DEPDC1B: variants seen among roughly 807,000 people sequenced by gnomAD.
DEPDC1B encodes the protein DEP domain-containing protein 1B.
A neutral mutation model predicts 66.5 loss-of-function variants in DEPDC1B; 51 were observed. The ratio of observed to expected loss-of-function variants is 0.77; its 90% CI spans 0.61 to 0.97. DEPDC1B has a LOEUF of 0.97. DEPDC1B is among the 50% of genes least tolerant of loss of function. The pLI is 0.00. For synonymous variants in DEPDC1B, 226 were observed against 223.6 expected (o/e 1.01, Z -0.10); for missense variants, 552 against 637.1 (o/e 0.87, Z 1.44).
At chr5:60,601,186 T>C (rs1031542421) in intron 9 of DEPDC1B, among the ~76,000 whole-genome samples, 3 of 152,252 alleles carry the variant, frequency 2.0e-5, no homozygotes, top group African/African-American at 7.2e-5. Context: ...GGGTATGTCT[T>C]TATTAGCAGC....
Position 60,603,528 on chromosome 5 carries a change from C to T in DEPDC1B, c.1105G>A (p.Asp369Asn). ...TFSRCILCSKDEVDLDELLAA... is the reference protein window; with the variant it reads ...TFSRCILCSKNEVDLDELLAA... ...AATAACTCATCCAAGTCCACTTCAT[C>T]CTTGGAACACAAGATGCAACGGGAA... Residue 369 changes from aspartate (D) to asparagine (N), a missense_variant, in exon 9 of 11, where the codon GAT (aspartate) becomes AAT (asparagine). Physicochemically the swap from Asp to Asn is conservative, Grantham distance 23. Transcript: ENST00000265036. 6.2e-7 allele frequency: 1 copy of T among 1,608,158 alleles called. No homozygotes were observed. Among genetic ancestry groups the T allele is most frequent in the Non-Finnish European group, 8.5e-7 (1 of 1,178,430 alleles).
chr5:60,642,452 A>C (rs958766047), intron 6 of DEPDC1B, among the ~76,000 whole-genome samples: 8 of 152,172 alleles, frequency 5.3e-5, no homozygotes, highest in Non-Finnish European at 8.8e-5. Context: ...CCTCACAGGG[A>C]CCACCCTGGT....
At chr5:60,689,137 A>C (rs1754488801) in intron 1 of DEPDC1B, 1 of 445,406 alleles carries the variant, frequency 2.2e-6, no homozygotes, top group African/African-American at 2.0e-5. Flanking sequence ...AGGCCCTGGC[A>C]CATGGTTGAG....
intron 2 of DEPDC1B, among the ~76,000 whole-genome samples, chr5:60,650,568 C>T (rs1466822791): frequency 3.3e-5 from 5 of 152,134 alleles, no homozygotes; most frequent in African/African-American, 4.8e-5. Flanking sequence ...CCCCCAGTTG[C>T]GAATCATGGG....
chr5:60,659,121 G>T (rs1052135154), intron 2 of DEPDC1B, among the ~76,000 whole-genome samples: 1 of 152,096 alleles, frequency 6.6e-6, no homozygotes, highest in Non-Finnish European at 1.5e-5. Flanking sequence ...ACCACTCATC[G>T]CATGGCCCAA....
At chr5:60,672,175 C>T (rs1754056687) in intron 2 of DEPDC1B, among the ~76,000 whole-genome samples, 1 of 152,210 alleles carries the variant, frequency 6.6e-6, no homozygotes, top group Admixed American at 6.5e-5. Context: ...GTTGTATAGC[C>T]TTCACCAGGG....
intron 7 of DEPDC1B, among the ~76,000 whole-genome samples, chr5:60,619,847 A>C (rs1259793491): frequency 6.6e-6 from 1 of 152,222 alleles, no homozygotes; most frequent in African/African-American, 2.4e-5. Context: ...TCCTAAGCCA[A>C]AAGAACAAAG....
chr5:60,637,229 G>A (rs1246247532), intron 7 of DEPDC1B, among the ~76,000 whole-genome samples: 2 of 152,172 alleles, frequency 1.3e-5, no homozygotes, highest in African/African-American at 4.8e-5. Context: ...GGTGGGGCAT[G>A]GTGGGAGGTG....
intron 5 of DEPDC1B, among the ~76,000 whole-genome samples, chr5:60,643,456 C>T (rs1482438845): frequency 1.3e-5 from 2 of 152,204 alleles, no homozygotes; most frequent in Non-Finnish European, 2.9e-5. Context: ...AGAATCTCTT[C>T]CCTCCACGCC....
chr5:60,644,899 A>T (rs758746895), intron 4 of DEPDC1B, 24 bp from the exon 5 acceptor site: 1 of 1,535,516 alleles, frequency 6.5e-7, no homozygotes, highest in Non-Finnish European at 8.9e-7. Context: ...AATTATATTA[A>T]TTAGTTCTGT....
Position 60,597,829 on chromosome 5 carries a change from G to A in DEPDC1B, c.1514C>T (p.Pro505Leu), listed in dbSNP as rs755431500. The change falls in exon 11 of 11, where the codon CCG becomes CTG. Residue 505 changes from proline to leucine, a missense_variant. Transcript: ENST00000265036. Reference sequence around the variant, plus strand: ...TGCCCACATTAGCAGCTGTGGTTTCGGTTTGGGTTTTTCAGGAAACAGAAG... The same window carrying A: ...TGCCCACATTAGCAGCTGTGGTTTCAGTTTGGGTTTTTCAGGAAACAGAAG... ...AALLFPEKPK[P>L]KPQLLMWALK... The A allele has an allele frequency of 2.0e-5, 32 of 1,613,234 alleles. No individual in the cohort carries two copies. Among genetic ancestry groups the A allele is most frequent in the Middle Eastern group, 1.6e-4 (1 of 6,078 alleles).
At chr5:60,622,241 G>A (rs767849993) in intron 7 of DEPDC1B, among the ~76,000 whole-genome samples, 15 of 152,052 alleles carry the variant, frequency 9.9e-5, no homozygotes, top group Admixed American at 2.0e-4. Flanking sequence ...AAGGCCTCTC[G>A]ATCCCCTAGA....
Position 60,596,967 on chromosome 5 carries a change from A to C in DEPDC1B, c.*786T>G, listed in dbSNP as rs1458879124. ...CATTTCACTTACTTTCAAAAGGATG[A>C]AAATATATTTATAAAGGAAGTAGTC... On this transcript the variant is annotated 3_prime_UTR_variant, in exon 11 of 11. Coordinates refer to ENST00000265036, the MANE Select transcript of DEPDC1B (RefSeq NM_018369.3). 6.6e-6 allele frequency: 1 copy of C among 152,630 alleles called. No individual in the cohort carries two copies. Among genetic ancestry groups the C allele is most frequent in the East Asian group, 1.9e-4 (1 of 5,204 alleles). The allele number at this position is 152,630 out of a possible 1,614,324, so 9.5% of individuals were successfully genotyped here.
chr5:60,677,295 GACACACACAC>G (rs770270774), intron 2 of DEPDC1B, among the ~76,000 whole-genome samples: 2 of 113,704 alleles, frequency 1.8e-5, no homozygotes, highest in African/African-American at 3.7e-5. Flanking sequence ...TTTTCATACA[GACACACACAC>G]ACACACACAC....
At chr5:60,603,270 G>T in intron 9 of DEPDC1B, 121 bp downstream of exon 9, 1 of 900,724 alleles carries the variant, frequency 1.1e-6, no homozygotes, top group Non-Finnish European at 1.5e-6. Context: ...AAGACCTGTT[G>T]TAAGTACTTT....
At chr5:60,606,245 C>T (rs1401765113) in intron 7 of DEPDC1B, among the ~76,000 whole-genome samples, 6 of 152,110 alleles carry the variant, frequency 3.9e-5, no homozygotes, top group Non-Finnish European at 5.9e-5. Flanking sequence ...GAATTCTCCC[C>T]TCTGTATTAT....
At chr5:60,666,111 C>T (rs1420189496) in intron 2 of DEPDC1B, among the ~76,000 whole-genome samples, 2 of 152,194 alleles carry the variant, frequency 1.3e-5, no homozygotes, top group Non-Finnish European at 2.9e-5. Flanking sequence ...GTCGCAGACT[C>T]GCCACTGACT....
chr5:60,632,241 GGCAATGCTTGGCTGGA>G (rs1203728864), intron 7 of DEPDC1B, among the ~76,000 whole-genome samples: 1 of 152,184 alleles, frequency 6.6e-6, no homozygotes, highest in Non-Finnish European at 1.5e-5. Context: ...CCACGGCGAT[GGCAATGCTTGGCTGGA>G]GCACTCCATG....
chr5:60,677,498 C>A (rs557705006), intron 2 of DEPDC1B, among the ~76,000 whole-genome samples: 3 of 152,178 alleles, frequency 2.0e-5, no homozygotes, highest in Admixed American at 1.3e-4. Flanking sequence ...TAAAAAGGAT[C>A]TTAAAGATCT....
Sources: gnomAD v4.1 joint callset for allele counts (sites outside exome capture counted in the v4.1 genomes callset) on GRCh38, gnomAD v4.1.1 for gene constraint, MANE v1.5 for transcripts, NCBI Gene and HGNC (gene_info 2026-07-23, HGNC 2026-07-21) for gene names.